Variants in PARN observed in about 807,000 individuals in gnomAD.
The protein encoded by PARN is poly(A)-specific ribonuclease PARN.
In PARN, 71 loss-of-function variants were observed where a neutral mutation model predicts 102.8. The observed-to-expected ratio is 0.69, with a 90% CI of 0.57 to 0.84. The LOEUF is 0.84. PARN is among the 40% of genes least tolerant of loss of function. The probability of loss-of-function intolerance (pLI) is 0.00; values close to 1 mark genes in which losing one functional copy is unlikely to be tolerated. For synonymous variants in PARN, 261 were observed against 252.9 expected, an observed-to-expected ratio of 1.03 and a Z score of -0.30; for missense variants, 782 against 760.9, an observed-to-expected ratio of 1.03 and a Z score of -0.33.
chr16:14,486,153 G>A (rs1337919207), intron 21 of PARN, among the ~76,000 whole-genome samples: 8 of 151,572 alleles, frequency 5.3e-5, no homozygotes, highest in Non-Finnish European at 8.8e-5. Context: ...CCAGGGGTTC[G>A]AGACCAGCCT....
At chr16:14,463,990 C>G (rs141825652) in intron 22 of PARN, among the ~76,000 whole-genome samples, 1 of 152,130 alleles carries the variant, frequency 6.6e-6, no homozygotes, top group Non-Finnish European at 1.5e-5. Flanking sequence ...TGTGCCACCA[C>G]GTCCAGCTAA....
intron 18 of PARN, among the ~76,000 whole-genome samples, chr16:14,562,433 GA>G (rs537258868): frequency 9.5e-3 from 557 of 58,502 alleles, no homozygotes; most frequent in Middle Eastern, 0.024. Flanking sequence ...ACTCTGTCTC[GA>G]AAAAAAAAAA....
At chr16:14,608,123 T>C (rs1341957704) in intron 9 of PARN, 158 bp downstream of exon 9, 2 of 639,766 alleles carry the variant, frequency 3.1e-6, no homozygotes, top group Admixed American at 6.6e-5. Context: ...AAAAGAAAAT[T>C]AAGTGAGTAT....
At chr16:14,620,003 G>A (rs1182522303) in intron 5 of PARN, among the ~76,000 whole-genome samples, 1 of 146,998 alleles carries the variant, frequency 6.8e-6, no homozygotes, top group African/African-American at 2.5e-5. Context: ...CCAGGAGGCA[G>A]AGGTTGCCAT....
chr16:14,438,842 T>C (rs1422871136), intron 23 of PARN, among the ~76,000 whole-genome samples: 2 of 152,076 alleles, frequency 1.3e-5, no homozygotes, highest in East Asian at 3.9e-4. Flanking sequence ...GCCAGAACTG[T>C]AGGAGCCATC....
chr16:14,448,905 GT>G (rs1961320391), intron 22 of PARN, among the ~76,000 whole-genome samples: 1 of 152,176 alleles, frequency 6.6e-6, no homozygotes. Flanking sequence ...TAATGGTAAT[GT>G]TTCGGCAGTG....
chr16:14,595,864 C>A (rs1388873985), intron 12 of PARN, among the ~76,000 whole-genome samples: 1 of 150,864 alleles, frequency 6.6e-6, no homozygotes, highest in Admixed American at 6.6e-5. Context: ...GGGGGTCTCC[C>A]ATGTTGCCCA....
rs969649941 is a variant in PARN, at chr16:14,629,759, A to G, written c.20-85T>C. 6.9e-6 allele frequency: 7 copies of G among 1,021,450 alleles called. No individual in the cohort carries two copies. The African/African-American group carries it at 1.1e-4, about 16-fold the overall frequency. 63.3% of individuals were successfully genotyped at this position (1,021,450 alleles called of 1,614,324 possible). ...GGGAAGGAGGGCCGAGGAGCTCCCG[A>G]GGCTGAGAGCCGGAAGGGGAAAAGT... On this transcript the variant is annotated intron_variant, in intron 1 of 23. Coordinates refer to ENST00000437198, the MANE Select transcript of PARN (RefSeq NM_002582.4).
At chr16:14,620,614 C>G (rs980090008) in intron 5 of PARN, among the ~76,000 whole-genome samples, 10 of 152,288 alleles carry the variant, frequency 6.6e-5, no homozygotes, top group African/African-American at 2.4e-4. Context: ...GATTGAAGGA[C>G]ATGGTAACAA....
intron 21 of PARN, among the ~76,000 whole-genome samples, chr16:14,494,364 G>A (rs924359326): frequency 3.9e-5 from 6 of 152,172 alleles, no homozygotes; most frequent in African/African-American, 1.2e-4. Flanking sequence ...CATCACCCAC[G>A]GGCTGAGGGT....
chr16:14,451,035 TATC>T (rs1266144290), intron 22 of PARN, among the ~76,000 whole-genome samples: 4 of 152,156 alleles, frequency 2.6e-5, no homozygotes, highest in Admixed American at 2.0e-4. Context: ...CAGGATCCTC[TATC>T]ATCTGGGTCC....
intron 21 of PARN, among the ~76,000 whole-genome samples, chr16:14,515,705 G>T (rs1368015487): frequency 2.0e-5 from 3 of 152,110 alleles, no homozygotes; most frequent in Admixed American, 1.3e-4. Context: ...AGAGGCTGAG[G>T]CAGGGGGATT....
At chr16:14,615,349 C>T (rs1458190976) in intron 6 of PARN, among the ~76,000 whole-genome samples, 4 of 151,142 alleles carry the variant, frequency 2.6e-5, no homozygotes, top group Non-Finnish European at 4.4e-5. Context: ...ATATGAGTAC[C>T]AGATAAAGTG....
At position 14,604,206 on chromosome 16, in the gene PARN, GATAACTATATATCGCTCCT is replaced by G; in HGVS notation, c.704_722del (p.Lys235ThrfsTer4). On this transcript the variant is annotated frameshift_variant and splice_region_variant, in exon 11 of 24. Transcript: ENST00000437198. LOFTEE classifies it high-confidence loss of function. ...TGCGTTCTTCTTCATCTACTTTGCT[GATAACTATATATCGCTCCT>G]TCTAAAAGACATAAAGCAGATATAC... 1 of 1,594,038 alleles carries G rather than the reference GATAACTATATATCGCTCCT, an allele frequency of 6.3e-7. No individual in the cohort carries two copies. Among genetic ancestry groups the G allele is most frequent in the Non-Finnish European group, 8.6e-7 (1 of 1,166,828 alleles).
intron 13 of PARN, among the ~76,000 whole-genome samples, chr16:14,588,009 A>G (rs1220166629): frequency 6.6e-6 from 1 of 152,202 alleles, no homozygotes; most frequent in African/African-American, 2.4e-5. Context: ...ACCACCTAGA[A>G]GGGGGTTATG....
At chr16:14,499,830 G>C (rs965998800) in intron 21 of PARN, among the ~76,000 whole-genome samples, 1 of 152,074 alleles carries the variant, frequency 6.6e-6, no homozygotes, top group Non-Finnish European at 1.5e-5. Context: ...GGGAAACAAA[G>C]GGAACCCTGT....
At chr16:14,537,475 C>T (rs781656238) in intron 21 of PARN, among the ~76,000 whole-genome samples, 2 of 152,148 alleles carry the variant, frequency 1.3e-5, no homozygotes, top group Non-Finnish European at 2.9e-5. Context: ...AAGGCATACG[C>T]TGCACCCCCA....
intron 18 of PARN, among the ~76,000 whole-genome samples, chr16:14,566,339 G>A (rs1968428081): frequency 6.6e-6 from 1 of 152,162 alleles, no homozygotes; most frequent in South Asian, 2.1e-4. Flanking sequence ...GGAGGAGGAG[G>A]CAATGTGACC....
At chr16:14,581,490 A>C (rs555828434) in intron 17 of PARN, among the ~76,000 whole-genome samples, 7 of 152,194 alleles carry the variant, frequency 4.6e-5, no homozygotes, top group Non-Finnish European at 8.8e-5. Flanking sequence ...GTGGATCCCA[A>C]GGAAATGGTA....
Sources: gnomAD v4.1 joint callset for allele counts (sites outside exome capture counted in the v4.1 genomes callset) on GRCh38, gnomAD v4.1.1 for gene constraint, MANE v1.5 for transcripts, NCBI Gene and HGNC (gene_info 2026-07-23, HGNC 2026-07-21) for gene names.